SOX5: variants seen among roughly 807,000 people sequenced by gnomAD.
The protein encoded by SOX5 is transcription factor SOX-5.
In SOX5, 9 loss-of-function variants were observed where a neutral mutation model predicts 92.0. The ratio of observed to expected loss-of-function variants is 0.10; its 90% CI spans 0.06 to 0.17. SOX5 has a LOEUF of 0.17. SOX5 is among the 10% of genes least tolerant of loss of function. The pLI, the probability that SOX5 is intolerant of heterozygous loss-of-function variation, is 1.00. For synonymous variants in SOX5, 344 were observed against 336.3 expected, an observed-to-expected ratio of 1.02 and a Z score of -0.25; for missense variants, 642 against 944.5, an observed-to-expected ratio of 0.68 and a Z score of 4.20.
chr12:24,178,096 T>C (rs1955027981), intron 4 of SOX5, among the ~76,000 whole-genome samples: 1 of 152,180 alleles, frequency 6.6e-6, no homozygotes, highest in Non-Finnish European at 1.5e-5. Context: ...ACAGCATTAA[T>C]TGAGTGTCCA....
At chr12:24,178,130 A>G (rs1415465295) in intron 4 of SOX5, among the ~76,000 whole-genome samples, 1 of 152,138 alleles carries the variant, frequency 6.6e-6, no homozygotes, top group Non-Finnish European at 1.5e-5. Context: ...CACAGTAACA[A>G]AGTTTCTTTA....
intron 4 of SOX5, among the ~76,000 whole-genome samples, chr12:24,026,597 A>G (rs1305893714): frequency 5.4e-5 from 5 of 91,978 alleles, no homozygotes; most frequent in African/African-American, 7.2e-5. Flanking sequence ...GGGAAAAAAA[A>G]GCAAAAAAAA....
chr12:24,126,854 T>C (rs1192591945), intron 4 of SOX5, among the ~76,000 whole-genome samples: 3 of 152,104 alleles, frequency 2.0e-5, no homozygotes, highest in Non-Finnish European at 2.9e-5. Context: ...CACATCCACC[T>C]TCACACAAAT....
At chr12:23,895,207 G>GC (rs1555410874) in intron 2 of SOX5, among the ~76,000 whole-genome samples, 21,966 of 65,224 alleles carry the variant, frequency 0.34, 2,453 homozygotes, top group East Asian at 0.69. Flanking sequence ...AGAATAGGAT[G>GC]CAAAAAAAAA....
intron 1 of SOX5, among the ~76,000 whole-genome samples, chr12:24,417,854 A>T (rs1051923687): frequency 2.0e-5 from 3 of 152,174 alleles, no homozygotes; most frequent in Non-Finnish European, 4.4e-5. Context: ...CCAGGGAAGA[A>T]CAGCTGGAAC....
chr12:23,624,009 A>C (rs1244425732), intron 8 of SOX5, among the ~76,000 whole-genome samples: 1 of 152,150 alleles, frequency 6.6e-6, no homozygotes, highest in Admixed American at 6.6e-5. Flanking sequence ...TCAGTCTTAA[A>C]AAGGCATGGA....
At chr12:24,213,624 T>A (rs1474013042) in intron 3 of SOX5, among the ~76,000 whole-genome samples, 1 of 151,658 alleles carries the variant, frequency 6.6e-6, no homozygotes, top group African/African-American at 2.4e-5. Flanking sequence ...CTAGACCAGA[T>A]TCATAGCCAT....
intron 4 of SOX5, among the ~76,000 whole-genome samples, chr12:24,179,827 G>C (rs774395431): frequency 6.6e-6 from 1 of 151,800 alleles, no homozygotes; most frequent in Non-Finnish European, 1.5e-5. Flanking sequence ...TTATCAAAAG[G>C]TCAACCCACC....
chr12:24,048,622 G>T (rs751004882), intron 4 of SOX5, among the ~76,000 whole-genome samples: 2 of 152,080 alleles, frequency 1.3e-5, no homozygotes, highest in Non-Finnish European at 2.9e-5. Context: ...TCCATCAACT[G>T]ATAAATGGAT....
intron 3 of SOX5, among the ~76,000 whole-genome samples, chr12:23,795,521 G>T (rs1485130976): frequency 6.6e-6 from 1 of 152,054 alleles, no homozygotes; most frequent in Non-Finnish European, 1.5e-5. Context: ...TGGCTAAATT[G>T]AGCATCAGAT....
chr12:23,988,441 A>T (rs1426369218), intron 4 of SOX5, among the ~76,000 whole-genome samples: 5 of 152,178 alleles, frequency 3.3e-5, no homozygotes, highest in African/African-American at 1.2e-4. Context: ...GATTTGAGGA[A>T]ATTAATGTCT....
At chr12:24,030,840 C>T (rs1283807023) in intron 4 of SOX5, among the ~76,000 whole-genome samples, 1 of 151,746 alleles carries the variant, frequency 6.6e-6, no homozygotes, top group African/African-American at 2.4e-5. Context: ...TAAAATAGCT[C>T]ATAGCAACAA....
rs1455929614 is a variant in SOX5, at chr12:23,723,573, T to TATATATATATAC, written c.810+11110_810+11111insGTATATATATAT. 6.1e-5 allele frequency among the ~76,000 whole-genome samples: 9 copies of TATATATATATAC among 148,238 alleles called. No homozygotes were observed. The Admixed American group carries it at 6.1e-4, about 10-fold the overall frequency. On this transcript the variant is annotated intron_variant, in intron 6 of 14. Transcript: ENST00000451604. ...GTAATTAGAGGAGAAAAATTATATA[T>TATATATATATAC]ATATATATACACACACACACACACA...
intron 1 of SOX5, among the ~76,000 whole-genome samples, chr12:24,390,410 C>T (rs1200743177): frequency 6.6e-6 from 1 of 152,050 alleles, no homozygotes; most frequent in African/African-American, 2.4e-5. Context: ...CTGTAATTGA[C>T]CAATGAATTT....
chr12:24,161,877 A>G (rs1020303898), intron 4 of SOX5, among the ~76,000 whole-genome samples: 1 of 152,084 alleles, frequency 6.6e-6, no homozygotes. Flanking sequence ...TTTCCTAACA[A>G]TTCCAAATTC....
intron 6 of SOX5, among the ~76,000 whole-genome samples, chr12:23,730,555 G>A (rs1433974057): frequency 6.6e-6 from 1 of 152,144 alleles, no homozygotes. Flanking sequence ...TGAATTAGGT[G>A]GGTCAACCTG....
At chr12:23,943,307 T>C (rs1003896830) in intron 1 of SOX5, among the ~76,000 whole-genome samples, 1 of 151,982 alleles carries the variant, frequency 6.6e-6, no homozygotes, top group Admixed American at 6.6e-5. Flanking sequence ...TGATCCTTAA[T>C]GCAAGAAAAA....
chr12:23,733,369 A>G (rs1178130194), intron 6 of SOX5, among the ~76,000 whole-genome samples: 1 of 152,230 alleles, frequency 6.6e-6, no homozygotes, highest in African/African-American at 2.4e-5. Context: ...CTAAAAAGTC[A>G]GTGTACTTTG....
At chr12:24,252,882 G>A (rs1341667554) in intron 3 of SOX5, among the ~76,000 whole-genome samples, 3 of 152,104 alleles carry the variant, frequency 2.0e-5, no homozygotes, top group East Asian at 1.9e-4. Context: ...TGAAATAAAT[G>A]TCATTCTGAC....
Sources: gnomAD v4.1 joint callset for allele counts (sites outside exome capture counted in the v4.1 genomes callset) on GRCh38, gnomAD v4.1.1 for gene constraint, MANE v1.5 for transcripts, NCBI Gene and HGNC (gene_info 2026-07-23, HGNC 2026-07-21) for gene names.